The following XRCC1 variants were observed in gnomAD, a reference collection of about 807,000 sequenced individuals.
XRCC1 encodes X-ray repair cross complementing 1, also known as DNA repair protein XRCC1.
In XRCC1, 52 loss-of-function variants were observed where a neutral mutation model predicts 83.3. The observed-to-expected ratio is 0.62, with a 90% confidence interval of 0.50 to 0.79. The LOEUF is 0.79. Ranked by LOEUF, XRCC1 falls within the 30% of genes least tolerant of loss-of-function variation. The pLI is 0.00. For synonymous variants in XRCC1, 281 were observed against 312.6 expected (o/e 0.90, Z 1.07); for missense variants, 793 against 823.5 (o/e 0.96, Z 0.45).
At chr19:43,554,884 C>T (rs1036563508) in intron 3 of XRCC1, 80 bp from the exon 4 acceptor site, 2 of 1,472,722 alleles carry the variant, frequency 1.4e-6, no homozygotes, top group Admixed American at 3.9e-5. Flanking sequence ...GGGAAGAGGG[C>T]ACAGGGCCCA....
intron 2 of XRCC1, among the ~76,000 whole-genome samples, chr19:43,565,418 G>A (rs190814307): frequency 1.3e-5 from 2 of 152,286 alleles, no homozygotes; most frequent in East Asian, 1.9e-4. Context: ...TACTTCGGAC[G>A]CAACTGCCTG....
chr19:43,557,625 C>T (rs1339078132), intron 3 of XRCC1, among the ~76,000 whole-genome samples: 1 of 151,348 alleles, frequency 6.6e-6, no homozygotes, highest in Non-Finnish European at 1.5e-5. Flanking sequence ...AAAACCCTGT[C>T]CTACTAAATA....
rs2146077523 is a variant in XRCC1, at chr19:43,575,525, A to G, written c.-67T>C. 2 of 1,387,144 alleles carry G rather than the reference A, an allele frequency of 1.4e-6. No homozygotes were observed. 85.9% of individuals were successfully genotyped at this position (1,387,144 alleles called of 1,614,324 possible). A position where few individuals can be genotyped will look rare whatever the true frequency, so the allele number is the denominator to read the frequency against. On this transcript the variant is annotated 5_prime_UTR_variant, in exon 1 of 17. Coordinates refer to ENST00000262887, the MANE Select transcript of XRCC1 (RefSeq NM_006297.3). Reference sequence around the variant, plus strand: ...AGTATGGGGTCCGAGGGGCAGGGAGAGTGGGAGGGGGCGGGGTGCGCCCTG... The same window carrying G: ...AGTATGGGGTCCGAGGGGCAGGGAGGGTGGGAGGGGGCGGGGTGCGCCCTG...
chr19:43,561,350 A>G (rs905774742), intron 2 of XRCC1, among the ~76,000 whole-genome samples: 4 of 152,124 alleles, frequency 2.6e-5, no homozygotes, highest in Non-Finnish European at 5.9e-5. Context: ...TTATAACTTT[A>G]TTCAAATCAT....
intron 2 of XRCC1, among the ~76,000 whole-genome samples, chr19:43,562,903 GC>G (rs1972715047): frequency 6.6e-6 from 1 of 152,238 alleles, no homozygotes; most frequent in South Asian, 2.1e-4. Flanking sequence ...GCTCTGCCAG[GC>G]AGTTGCTATA....
At chr19:43,556,833 C>T (rs546155552) in intron 3 of XRCC1, among the ~76,000 whole-genome samples, 3 of 151,778 alleles carry the variant, frequency 2.0e-5, no homozygotes, top group South Asian at 2.1e-4. Context: ...GGTGAAACAC[C>T]GTCTTTACTA....
intron 3 of XRCC1, 129 bp from the exon 4 acceptor site, chr19:43,554,933 T>C: frequency 1.9e-6 from 2 of 1,040,066 alleles, no homozygotes; most frequent in Non-Finnish European, 2.8e-6. Flanking sequence ...AGCTTGGGCC[T>C]AGATGTCTCC....
chr19:43,564,960 C>CTGCCTTCCTTGGCTCACAG (rs1373473967), intron 2 of XRCC1, among the ~76,000 whole-genome samples: 3 of 152,148 alleles, frequency 2.0e-5, no homozygotes, highest in South Asian at 2.1e-4. Context: ...TCGAGGCCAC[C>CTGCCTTCCTTGGCTCACAG]TGCCTTCCTT....
rs141933903 is a variant in XRCC1, at chr19:43,572,417, A to C, written c.144+2493T>G. Among the ~76,000 whole-genome samples the C allele has an allele frequency of 1.2e-4, 18 of 152,298 alleles. No individual in the cohort carries two copies. The East Asian group carries it at 3.3e-3, about 28-fold the overall frequency. Reference sequence around the variant, plus strand: ...AGAAAACAGGTTAGAGAAATGAAACAATTTTCTTGAGGTCACCGATTAAGA... The same window carrying C: ...AGAAAACAGGTTAGAGAAATGAAACCATTTTCTTGAGGTCACCGATTAAGA... On this transcript the variant is annotated intron_variant, in intron 2 of 16. Coordinates refer to ENST00000262887, the MANE Select transcript of XRCC1 (RefSeq NM_006297.3).
chr19:43,545,252 C>T (rs1030085016), intron 14 of XRCC1, among the ~76,000 whole-genome samples: 4 of 152,170 alleles, frequency 2.6e-5, no homozygotes, highest in Admixed American at 1.3e-4. Context: ...CCTTCATTCT[C>T]GAAGAAGCTC....
chr19:43,552,955 C>T (rs2146051437), intron 7 of XRCC1, 27 bp downstream of exon 7: 2 of 1,608,902 alleles, frequency 1.2e-6, no homozygotes, highest in South Asian at 1.1e-5. Context: ...TCTCCTCCTC[C>T]ACCCCACCAA....
chr19:43,564,826 A>C (rs1972736773), intron 2 of XRCC1, among the ~76,000 whole-genome samples: 1 of 152,002 alleles, frequency 6.6e-6, no homozygotes, highest in African/African-American at 2.4e-5. Flanking sequence ...TTAATATCTT[A>C]CAGATCTGGA....
chr19:43,547,188 C>T (rs1972521303), intron 10 of XRCC1, among the ~76,000 whole-genome samples: 2 of 97,954 alleles, frequency 2.0e-5, no homozygotes, highest in African/African-American at 9.2e-5. Context: ...CCTTTCTTCC[C>T]CTCCCTCTTT....
chr19:43,545,928 G>T lies in XRCC1; in HGVS notation c.1511C>A (p.Pro504His). Residue 504 changes from proline to histidine, a missense_variant, in exon 14 of 17, where the codon CCC (proline) becomes CAC (histidine). Pro to His is a moderately conservative substitution (Grantham distance 77). Transcript: ENST00000262887. ...RVAEQKEHRL[P>H]PGQEENGEDP... ...TTCCCCATTCTCCTCCTGGCCAGGG[G>T]GCAGTCTGTGTTCCTTCTGCTCTGC... 6.2e-7 allele frequency: 1 copy of T among 1,613,954 alleles called. No individual in the cohort carries two copies. The highest frequency in any genetic ancestry group is 1.1e-5 in the South Asian group (1 of 91,086).
Position 43,553,637 on chromosome 19 carries a change from T to C in XRCC1, c.461A>G (p.Asp154Gly). The C allele has an allele frequency of 6.5e-7, 1 of 1,528,592 alleles. No individual in the cohort carries two copies. Among genetic ancestry groups the C allele is most frequent in the South Asian group, 1.2e-5 (1 of 85,346 alleles). The allele number at this position is 1,528,592 out of a possible 1,614,324, so 94.7% of individuals were successfully genotyped here. Residue 154 changes from aspartate to glycine, a missense_variant, in exon 5 of 17, where the codon GAC becomes GGC. Asp to Gly is a moderately conservative substitution (Grantham distance 94). Transcript: ENST00000262887. ...LSFVRFHSPP[D>G]KDEAEAPSQK... ...GGACGGGGCCTCTGCCTCATCTTTG[T>C]CTGGGGGGCTATGAAACCGTACAAA...
intron 10 of XRCC1, among the ~76,000 whole-genome samples, chr19:43,548,256 C>T (rs1381095135): frequency 5.3e-5 from 8 of 151,514 alleles, no homozygotes; most frequent in Admixed American, 1.3e-4. Context: ...GCCTGGCCAC[C>T]ACCCCGTCTG....
intron 10 of XRCC1, among the ~76,000 whole-genome samples, chr19:43,548,770 A>AAAAAAAAAAAAAC (rs1215238160): frequency 8.1e-6 from 1 of 122,882 alleles, no homozygotes; most frequent in Non-Finnish European, 1.7e-5. Flanking sequence ...AATGATCAAA[A>AAAAAAAAAAAAAC]AAAAAAAAAA....
rs772684604 is a variant in XRCC1, at chr19:43,561,040, C to A, written c.145-20G>T. The A allele has an allele frequency of 1.3e-6, 2 of 1,583,042 alleles. No homozygotes were observed. The highest frequency in any genetic ancestry group is 3.3e-5 in the Admixed American group (2 of 59,992). On this transcript the variant is annotated intron_variant, in intron 2 of 16. Coordinates refer to ENST00000262887, the MANE Select transcript of XRCC1 (RefSeq NM_006297.3). ...CTCCAACTGTGGGCAGAGAGAGAGG[C>A]CACTGTCAGTGCCTGCTCTGCCTCT...
chr19:43,548,172 C>T (rs1380576837), intron 10 of XRCC1, among the ~76,000 whole-genome samples: 3 of 151,144 alleles, frequency 2.0e-5, no homozygotes, highest in East Asian at 2.0e-4. Flanking sequence ...CGCCTCCGCC[C>T]GGCCGCCGCC....
Sources: allele counts gnomAD v4.1 joint callset (sites outside exome capture counted in the v4.1 genomes callset), GRCh38; gene constraint gnomAD v4.1.1; transcripts MANE v1.5; gene names NCBI Gene and HGNC (gene_info 2026-07-23, HGNC 2026-07-21).